The following GLRX3 variants were observed in gnomAD, a reference collection of about 807,000 sequenced individuals.
GLRX3 encodes glutaredoxin 3, also known as glutaredoxin-3.
GLRX3 carries 22 observed loss-of-function variants against 49.5 expected under a neutral mutation model. The ratio of observed to expected loss-of-function variants is 0.44; its 90% CI spans 0.32 to 0.63. The LOEUF is 0.63. GLRX3 is among the 30% of genes least tolerant of loss of function. The pLI, the probability that GLRX3 is intolerant of heterozygous loss-of-function variation, is 0.05. For missense variants in GLRX3, 385 were observed against 396.3 expected, an observed-to-expected ratio of 0.97 and a Z score of 0.24; for synonymous variants, 133 against 140.0, an observed-to-expected ratio of 0.95 and a Z score of 0.35.
At chr10:130,155,073 G>A (rs1862448801) in intron 2 of GLRX3, among the ~76,000 whole-genome samples, 2 of 152,122 alleles carry the variant, frequency 1.3e-5, no homozygotes, top group South Asian at 4.1e-4. Flanking sequence ...CCGAGCTCAA[G>A]CATTCTTCCC....
chr10:130,163,444 A>G (rs1377566564), intron 4 of GLRX3, among the ~76,000 whole-genome samples: 1 of 152,356 alleles, frequency 6.6e-6, no homozygotes, highest in East Asian at 1.9e-4. Flanking sequence ...AACACATTTC[A>G]GAGCCATCTG....
intron 1 of GLRX3, among the ~76,000 whole-genome samples, chr10:130,144,143 C>T (rs542759063): frequency 4.8e-4 from 73 of 152,272 alleles, no homozygotes; most frequent in South Asian, 2.5e-3. Flanking sequence ...TATGTCTCTC[C>T]ATCACTATAC....
intron 4 of GLRX3, among the ~76,000 whole-genome samples, chr10:130,163,120 AAAG>A (rs2134906648): frequency 6.6e-6 from 1 of 152,314 alleles, no homozygotes; most frequent in South Asian, 2.1e-4. Context: ...ACAGAATAAA[AAAG>A]AAGCTTTGAA....
At chr10:130,137,661 G>A (rs1324170084) in intron 1 of GLRX3, among the ~76,000 whole-genome samples, 3 of 152,234 alleles carry the variant, frequency 2.0e-5, no homozygotes, top group African/African-American at 4.8e-5. Context: ...TATGCAGGAA[G>A]CACTCAGTAG....
At chr10:130,146,827 C>T (rs747956660) in intron 2 of GLRX3, among the ~76,000 whole-genome samples, 5 of 152,144 alleles carry the variant, frequency 3.3e-5, no homozygotes, top group African/African-American at 4.8e-5. Flanking sequence ...AAACTGAAAA[C>T]ACAGAATTTT....
rs550477268 is a variant in GLRX3, at chr10:130,169,035, C to T, written c.714-398C>T. 8.5e-4 allele frequency among the ~76,000 whole-genome samples: 130 copies of T among 152,302 alleles called. 1 individual carries two copies. Among genetic ancestry groups the T allele is most frequent in the African/African-American group, 3.0e-3 (126 of 41,554 alleles). ...TCACCCTGCAGTCCGACCTTGTGAG[C>T]TTTACACGTGTACAGTGGTATGCAG... On this transcript the variant is annotated intron_variant, in intron 6 of 10. Coordinates refer to ENST00000331244, the MANE Select transcript of GLRX3 (RefSeq NM_006541.5).
intron 6 of GLRX3, among the ~76,000 whole-genome samples, chr10:130,168,292 GGTTA>G (rs1243910798): frequency 7.2e-5 from 11 of 152,174 alleles, no homozygotes; most frequent in Non-Finnish European, 1.0e-4. Flanking sequence ...CAGGTGACTG[GGTTA>G]GTTAGTTGGG....
chr10:130,136,812 CCT>C (rs1862063073), intron 1 of GLRX3, among the ~76,000 whole-genome samples: 1 of 152,076 alleles, frequency 6.6e-6, no homozygotes, highest in African/African-American at 2.4e-5. Context: ...ACCTTCCCGG[CCT>C]CTGGCCTGGG....
At chr10:130,166,143 C>T (rs1862680466) in intron 4 of GLRX3, among the ~76,000 whole-genome samples, 1 of 152,314 alleles carries the variant, frequency 6.6e-6, no homozygotes, top group East Asian at 1.9e-4. Flanking sequence ...TACAGGTGTG[C>T]ACCATCACCC....
At chr10:130,164,429 T>C (rs1862642007) in intron 4 of GLRX3, among the ~76,000 whole-genome samples, 1 of 152,140 alleles carries the variant, frequency 6.6e-6, no homozygotes, top group Non-Finnish European at 1.5e-5. Context: ...GCAGTGAGAG[T>C]CATCCAGCCG....
intron 10 of GLRX3, among the ~76,000 whole-genome samples, 162 bp from the exon 11 acceptor site, chr10:130,179,180 G>T (rs1862978925): frequency 6.6e-6 from 1 of 152,072 alleles, no homozygotes; most frequent in Admixed American, 6.5e-5. Flanking sequence ...GTGTATTCAG[G>T]GTTTATGGCT....
At chr10:130,169,872 C>T (rs1862771367) in intron 7 of GLRX3, among the ~76,000 whole-genome samples, 1 of 152,186 alleles carries the variant, frequency 6.6e-6, no homozygotes, top group African/African-American at 2.4e-5. Context: ...GGGTTTGCAC[C>T]CCTAGATCGT....
intron 10 of GLRX3, among the ~76,000 whole-genome samples, chr10:130,176,774 T>TCTTTCTC (rs374416663): frequency 4.5e-5 from 5 of 110,918 alleles, no homozygotes; most frequent in African/African-American, 1.1e-4. Flanking sequence ...CCCTCCCTCT[T>TCTTTCTC]TCTCTCTCTC....
chr10:130,169,546 A>G, intron 7 of GLRX3, 56 bp downstream of exon 7: 1 of 1,068,122 alleles, frequency 9.4e-7, no homozygotes, highest in Non-Finnish European at 1.5e-6. Context: ...AACATCTGCA[A>G]CAAGGGGACA....
intron 2 of GLRX3, among the ~76,000 whole-genome samples, chr10:130,158,956 T>G (rs7069339): frequency 0.81 from 123,639 of 152,138 alleles, 50,983 homozygotes; most frequent in African/African-American, 0.94. Context: ...AAATACATAG[T>G]ACTCTGCTTC....
At chr10:130,147,754 C>A (rs531301875) in intron 2 of GLRX3, among the ~76,000 whole-genome samples, 1 of 152,194 alleles carries the variant, frequency 6.6e-6, no homozygotes, top group Non-Finnish European at 1.5e-5. Flanking sequence ...GTAAGAGAGG[C>A]GTGCAGGCTG....
chr10:130,173,284 G>A (rs2134925235), intron 8 of GLRX3, among the ~76,000 whole-genome samples: 1 of 152,226 alleles, frequency 6.6e-6, no homozygotes, highest in Non-Finnish European at 1.5e-5. Flanking sequence ...AATCTCCATT[G>A]TATTGAAAGC....
chr10:130,177,831 G>A (rs770768769), intron 10 of GLRX3, among the ~76,000 whole-genome samples: 6 of 152,176 alleles, frequency 3.9e-5, no homozygotes, highest in African/African-American at 9.7e-5. Flanking sequence ...GAGGTCATAC[G>A]GATTTTAATG....
intron 2 of GLRX3, among the ~76,000 whole-genome samples, chr10:130,154,851 A>G (rs577711772): frequency 9.8e-5 from 15 of 152,358 alleles, no homozygotes; most frequent in African/African-American, 3.6e-4. Context: ...TATGTTATCA[A>G]GGTAATTTTA....
Sources: allele counts gnomAD v4.1 joint callset (sites outside exome capture counted in the v4.1 genomes callset), GRCh38; gene constraint gnomAD v4.1.1; transcripts MANE v1.5; gene names NCBI Gene and HGNC (gene_info 2026-07-23, HGNC 2026-07-21).